CDH18: variants seen among roughly 807,000 people sequenced by gnomAD.
CDH18 encodes the protein cadherin-18.
A neutral mutation model predicts 67.9 loss-of-function variants in CDH18; 31 were observed. The ratio of observed to expected loss-of-function variants is 0.46; its 90% CI spans 0.34 to 0.62. The LOEUF is 0.62. Among genes scored for constraint, CDH18 ranks in the 20% least tolerant of loss-of-function variants. CDH18 has a pLI of 0.01. For synonymous variants in CDH18, 362 were observed against 347.2 expected (o/e 1.04, Z -0.48); for missense variants, 890 against 975.5 (o/e 0.91, Z 1.17).
At chr5:19,898,438 A>C (rs185229061) in intron 2 of CDH18, among the ~76,000 whole-genome samples, 1 of 152,060 alleles carries the variant, frequency 6.6e-6, no homozygotes, top group African/African-American at 2.4e-5. Context: ...GGTGCCTTTT[A>C]TAAAATTAAT....
chr5:19,636,066 T>G (rs191109370), intron 5 of CDH18, among the ~76,000 whole-genome samples: 14 of 152,210 alleles, frequency 9.2e-5, no homozygotes, highest in Non-Finnish European at 1.3e-4. Flanking sequence ...CAATCAATGA[T>G]TTTCAGTTAT....
At chr5:20,199,270 C>CA (rs1739246053) in intron 2 of CDH18, among the ~76,000 whole-genome samples, 1 of 152,200 alleles carries the variant, frequency 6.6e-6, no homozygotes, top group Admixed American at 6.5e-5. Flanking sequence ...TGCAAAGCCA[C>CA]AGGGGCAGAG....
intron 1 of CDH18, among the ~76,000 whole-genome samples, chr5:20,520,482 G>T (rs1442823210): frequency 2.6e-5 from 4 of 152,088 alleles, no homozygotes; most frequent in Non-Finnish European, 2.9e-5. Context: ...CACCTGAGAG[G>T]AATCAGACTG....
At chr5:19,619,168 T>C (rs753282376) in intron 5 of CDH18, among the ~76,000 whole-genome samples, 52 of 152,194 alleles carry the variant, frequency 3.4e-4, no homozygotes, top group Non-Finnish European at 5.7e-4. Context: ...ATCAGCAGCA[T>C]AATCCAGAAA....
intron 2 of CDH18, among the ~76,000 whole-genome samples, chr5:20,228,478 T>C (rs1741813853): frequency 6.6e-6 from 1 of 152,038 alleles, no homozygotes; most frequent in Non-Finnish European, 1.5e-5. Context: ...TTAGAAAGAA[T>C]ACTTAACATT....
chr5:19,891,195 C>G (rs1198245966), intron 2 of CDH18, among the ~76,000 whole-genome samples: 3 of 152,078 alleles, frequency 2.0e-5, no homozygotes, highest in Non-Finnish European at 4.4e-5. Flanking sequence ...ATCTAAGAAT[C>G]TTTCTATCTC....
intron 1 of CDH18, among the ~76,000 whole-genome samples, chr5:20,410,478 T>C (rs1746673043): frequency 6.6e-6 from 1 of 151,696 alleles, no homozygotes; most frequent in Admixed American, 6.6e-5. Flanking sequence ...AGAAGAAAAG[T>C]ACCTCAATAT....
At chr5:19,566,672 T>G (rs1186458759) in intron 8 of CDH18, among the ~76,000 whole-genome samples, 1 of 152,014 alleles carries the variant, frequency 6.6e-6, no homozygotes, top group Admixed American at 6.5e-5. Flanking sequence ...ACCAGGTCCC[T>G]ATCACAACAC....
chr5:19,746,706 C>T (rs905786359), intron 4 of CDH18, among the ~76,000 whole-genome samples: 4 of 152,068 alleles, frequency 2.6e-5, no homozygotes, highest in Non-Finnish European at 5.9e-5. Flanking sequence ...TTTCTTTCCC[C>T]TTGAGATCCA....
At chr5:19,958,277 TAAAC>T (rs1277495324) in intron 2 of CDH18, among the ~76,000 whole-genome samples, 7 of 141,662 alleles carry the variant, frequency 4.9e-5, no homozygotes, top group Admixed American at 3.8e-4. Flanking sequence ...GCCCAATAAC[TAAAC>T]AAACAAACAT....
intron 2 of CDH18, chr5:19,878,109 G>GA (rs1488308849): frequency 6.6e-6 from 1 of 152,026 alleles, no homozygotes; most frequent in African/African-American, 2.4e-5. Flanking sequence ...ATAAAAAGGA[G>GA]AAAAAAGTTT....
intron 5 of CDH18, among the ~76,000 whole-genome samples, chr5:19,645,742 C>G (rs1036752673): frequency 1.3e-5 from 2 of 152,150 alleles, no homozygotes; most frequent in Admixed American, 6.5e-5. Flanking sequence ...TGGGAAGTGA[C>G]TCATGCGACT....
At chr5:20,382,863 A>G (rs1744024896) in intron 1 of CDH18, among the ~76,000 whole-genome samples, 1 of 152,010 alleles carries the variant, frequency 6.6e-6, no homozygotes, top group East Asian at 1.9e-4. Context: ...AGCTATCAAC[A>G]CCTTAGTAAA....
intron 6 of CDH18, among the ~76,000 whole-genome samples, chr5:19,592,625 C>T (rs1745348379): frequency 1.3e-5 from 2 of 151,952 alleles, no homozygotes; most frequent in Non-Finnish European, 2.9e-5. Context: ...ATACTGAAAA[C>T]AAAAGTCTAA....
intron 6 of CDH18, among the ~76,000 whole-genome samples, chr5:19,593,161 C>T (rs1003362675): frequency 6.6e-5 from 10 of 151,918 alleles, no homozygotes; most frequent in South Asian, 6.2e-4. Flanking sequence ...ATCCTGATTT[C>T]GATTTTTTAA....
At chr5:19,666,237 T>TTTATTATTATTATTA (rs70950082) in intron 5 of CDH18, among the ~76,000 whole-genome samples, 19 of 128,160 alleles carry the variant, frequency 1.5e-4, no homozygotes, top group Admixed American at 3.3e-4. Flanking sequence ...CTGTATGATT[T>TTTATTATTATTATTA]TTATTATTAT....
chr5:20,290,473 G>A (rs939694218), intron 1 of CDH18, among the ~76,000 whole-genome samples: 9 of 152,162 alleles, frequency 5.9e-5, no homozygotes, highest in African/African-American at 2.2e-4. Flanking sequence ...CCTAGGCTAA[G>A]TGCTGAGATC....
chr5:20,444,237 T>C (rs774168600), intron 1 of CDH18, among the ~76,000 whole-genome samples: 3 of 152,240 alleles, frequency 2.0e-5, no homozygotes, highest in Non-Finnish European at 4.4e-5. Context: ...TCTGGAAGTA[T>C]TCCTGTTAAA....
chr5:20,497,724 A>T (rs1753994796), intron 1 of CDH18, among the ~76,000 whole-genome samples: 1 of 152,160 alleles, frequency 6.6e-6, no homozygotes, highest in South Asian at 2.1e-4. Context: ...AATGCATGAA[A>T]AATAAAAGAG....
Sources: allele counts gnomAD v4.1 joint callset (sites outside exome capture counted in the v4.1 genomes callset), GRCh38; gene constraint gnomAD v4.1.1; transcripts MANE v1.5; gene names NCBI Gene and HGNC (gene_info 2026-07-23, HGNC 2026-07-21).